The following RP1 variants were observed in gnomAD, a reference collection of about 807,000 sequenced individuals.
The protein encoded by RP1 is oxygen-regulated protein 1.
A neutral mutation model predicts 14.8 loss-of-function variants in RP1; 16 were observed. The ratio of observed to expected loss-of-function variants is 1.08; its 90% CI spans 0.73 to 1.65. RP1 has a LOEUF of 1.65. RP1 is among the 40% of genes most tolerant of loss of function. The pLI, the probability that RP1 is intolerant of heterozygous loss-of-function variation, is 0.00. For synonymous variants in RP1, 876 were observed against 883.6 expected (o/e 0.99, Z 0.15); for missense variants, 2,631 against 2,535.0 (o/e 1.04, Z -0.81).
At chr8:54,690,024 A>G (rs993857644) in intron 12 of RP1, among the ~76,000 whole-genome samples, 3 of 152,090 alleles carry the variant, frequency 2.0e-5, no homozygotes, top group Non-Finnish European at 4.4e-5. Context: ...AATAATTTGT[A>G]TGGTGTGTTG....
intron 24 of RP1, among the ~76,000 whole-genome samples, chr8:54,836,021 T>G (rs1281608684): frequency 6.6e-6 from 1 of 152,220 alleles, no homozygotes. Context: ...TGTGATGAAC[T>G]GTGTCTCTGT....
intron 7 of RP1, among the ~76,000 whole-genome samples, chr8:54,670,513 ATATG>A (rs147877883): frequency 0.049 from 2,463 of 50,262 alleles, 218 homozygotes; most frequent in African/African-American, 0.12. Context: ...ATACACATAT[ATATG>A]TATGTGTATA....
At chr8:54,852,712 A>G in exon 26 of RP1, 2 of 1,232,082 alleles carry the variant, frequency 1.6e-6, no homozygotes, top group Non-Finnish European at 2.0e-6. Context: ...AATGAAATCA[A>G]GTTTCAGCGT....
chr8:54,680,961 CAA>C (rs111593126), intron 12 of RP1, among the ~76,000 whole-genome samples: 1 of 122,284 alleles, frequency 8.2e-6, no homozygotes, highest in African/African-American at 3.2e-5. Flanking sequence ...CTGTCTCGGA[CAA>C]AAAAAAAAAA....
intron 19 of RP1, among the ~76,000 whole-genome samples, chr8:54,743,901 A>G (rs1175654558): frequency 6.6e-6 from 1 of 152,154 alleles, no homozygotes; most frequent in African/African-American, 2.4e-5. Context: ...TGCTTTCCCA[A>G]GATGCTCCCC....
chr8:54,719,306 C>G (rs1329465693), intron 15 of RP1, among the ~76,000 whole-genome samples: 1 of 152,048 alleles, frequency 6.6e-6, no homozygotes, highest in Non-Finnish European at 1.5e-5. Context: ...GAATTTAGAA[C>G]AAGAACAGAA....
intron 24 of RP1, among the ~76,000 whole-genome samples, chr8:54,813,582 A>C (rs748044735): frequency 6.6e-6 from 1 of 152,192 alleles, no homozygotes; most frequent in Non-Finnish European, 1.5e-5. Context: ...ACATTGCTTC[A>C]TTATTTTCTT....
Position 54,630,275 on chromosome 8 carries a change from A to C in RP1, c.6393A>C (p.Glu2131Asp). 1 of 1,613,702 alleles carries C rather than the reference A, an allele frequency of 6.2e-7. No individual in the cohort carries two copies. The highest frequency in any genetic ancestry group is 8.5e-7 in the Non-Finnish European group (1 of 1,179,828). ...TAGAACTTTGTATGTTTGAGGGTGA[A>C]AATCTTTTCATTTGGGAAGAGGAAG... is the stretch of plus-strand genomic sequence containing the variant. Reference protein sequence around the residue: ...NILELCMFEGENLFIWEEEDI... With the variant: ...NILELCMFEGDNLFIWEEEDI... The change falls in exon 4 of 4, where the codon GAA (glutamate) becomes GAC (aspartate). Residue 2131 changes from glutamate (E) to aspartate (D), a missense_variant. Coordinates refer to ENST00000220676, the MANE Select transcript of RP1 (RefSeq NM_006269.2).
At chr8:54,697,441 A>G (rs1295264744) in intron 12 of RP1, among the ~76,000 whole-genome samples, 1 of 152,062 alleles carries the variant, frequency 6.6e-6, no homozygotes, top group Non-Finnish European at 1.5e-5. Context: ...TGTGATCCCA[A>G]CTACTCAGGA....
Position 54,627,516 on chromosome 8 carries a change from TG to T in RP1, c.3635del (p.Cys1212PhefsTer43). ...DMVPIDLSAN[C>X]STVNIQSVPK... The stretch of plus-strand genomic sequence containing the variant: ...GGTTCCAATAGATCTTTCTGCAAAT[TG>T]TTCCACGGTCAACATTCAGAGTGTT... On this transcript the variant is annotated frameshift_variant, in exon 4 of 4. Coordinates refer to ENST00000220676, the MANE Select transcript of RP1 (RefSeq NM_006269.2). LOFTEE classifies it low-confidence loss of function (END_TRUNC). The T allele has an allele frequency of 6.2e-7, 1 of 1,614,152 alleles. No homozygotes were observed. Among genetic ancestry groups the T allele is most frequent in the Non-Finnish European group, 8.5e-7 (1 of 1,179,966 alleles).
intron 15 of RP1, among the ~76,000 whole-genome samples, chr8:54,714,286 G>C (rs1380541180): frequency 1.3e-5 from 2 of 152,134 alleles, no homozygotes; most frequent in Non-Finnish European, 2.9e-5. Context: ...CCCCTTCCTT[G>C]TTTAGGCACC....
intron 1 of RP1, among the ~76,000 whole-genome samples, chr8:54,598,870 T>C (rs1027699148): frequency 2.0e-5 from 3 of 152,214 alleles, no homozygotes; most frequent in African/African-American, 7.2e-5. Context: ...AGGTAATGTG[T>C]CATTTCTCTC....
In RP1 at chr8:54,678,528, C is replaced by CT. The variant is rs1490005198; in HGVS notation, c.1471dup (p.Cys491LeufsTer11). The CT allele has an allele frequency of 5.2e-6, 8 of 1,533,526 alleles. No individual in the cohort carries two copies. Among genetic ancestry groups the CT allele is most frequent in the Non-Finnish European group, 7.0e-6 (8 of 1,145,736 alleles). 95.0% of individuals were successfully genotyped at this position (1,533,526 alleles called of 1,614,324 possible). On this transcript the variant is annotated frameshift_variant, in exon 9 of 23. Coordinates refer to the RP1 transcript ENST00000636932. LOFTEE classifies it high-confidence loss of function. ...CAACAAATTACGAATATGCCTTCTT[C>CT]TGTCACAGGTTTGTAGGTGTACTTT... is the stretch of plus-strand genomic sequence containing the variant.
chr8:54,780,893 T>C, intron 23 of RP1: 3 of 983,934 alleles, frequency 3.0e-6, no homozygotes, highest in Non-Finnish European at 3.6e-6. Flanking sequence ...TGCACGTGGT[T>C]GCATGAGAAT....
At chr8:54,715,815 C>T (rs1808390963) in intron 15 of RP1, among the ~76,000 whole-genome samples, 1 of 152,192 alleles carries the variant, frequency 6.6e-6, no homozygotes, top group African/African-American at 2.4e-5. Context: ...CTGCTCGTCA[C>T]TAGTGCTACA....
At chr8:54,678,404 A>G (rs1351731325) in intron 8 of RP1, 2 of 1,376,606 alleles carry the variant, frequency 1.5e-6, no homozygotes, top group Non-Finnish European at 2.0e-6. Flanking sequence ...CAAAACTTGA[A>G]GTATTATTAG....
rs185777823 is a variant in RP1, at chr8:54,830,975, C to G, written c.3616-6475C>G. On this transcript the variant is annotated intron_variant, in intron 24 of 28. Transcript: ENST00000637698. ...TGAGTACATGGTCTTTTTTATTTGA[C>G]TTGTTTCCCTTAGCATCATGTTTTT... Among the ~76,000 whole-genome samples, 161 of 152,150 alleles carry G rather than the reference C, an allele frequency of 1.1e-3. 2 individuals carry two copies. The highest frequency in any genetic ancestry group is 7.7e-4 in the Non-Finnish European group (52 of 67,914).
At chr8:54,623,103 T>G (rs1012429995) in intron 3 of RP1, among the ~76,000 whole-genome samples, 1 of 152,246 alleles carries the variant, frequency 6.6e-6, no homozygotes, top group African/African-American at 2.4e-5. Context: ...TGGGTGAAAC[T>G]AATCCATTGT....
intron 25 of RP1, among the ~76,000 whole-genome samples, chr8:54,841,353 A>T (rs191315699): frequency 1.8e-4 from 27 of 152,352 alleles, no homozygotes; most frequent in Admixed American, 1.4e-3. Flanking sequence ...CTTATCTTGG[A>T]GTTGCCATGC....
Sources: gnomAD v4.1 joint callset for allele counts (sites outside exome capture counted in the v4.1 genomes callset) on GRCh38, gnomAD v4.1.1 for gene constraint, MANE v1.5 for transcripts, NCBI Gene and HGNC (gene_info 2026-07-23, HGNC 2026-07-21) for gene names.